ULK4: variants seen among roughly 807,000 people sequenced by gnomAD.
ULK4 encodes the protein inactive serine/threonine-protein kinase ULK4.
A neutral mutation model predicts 160.6 loss-of-function variants in ULK4; 133 were observed. That is an observed-to-expected ratio of 0.83 (90% CI 0.72 to 0.96). The LOEUF (loss-of-function observed/expected upper bound fraction) is 0.96, where lower values mean the gene tolerates loss of function less well. Among genes scored for constraint, ULK4 ranks in the 40% least tolerant of loss-of-function variants. The pLI, the probability that ULK4 is intolerant of heterozygous loss-of-function variation, is 0.00. For synonymous variants in ULK4, 534 were observed against 539.8 expected (o/e 0.99, Z 0.15); for missense variants, 1,580 against 1,499.5 (o/e 1.05, Z -0.89).
At chr3:41,719,021 T>C (rs2037366575) in intron 22 of ULK4, among the ~76,000 whole-genome samples, 1 of 152,326 alleles carries the variant, frequency 6.6e-6, no homozygotes, top group South Asian at 2.1e-4. Context: ...ACCTTCAATC[T>C]GGCTTTCTCT....
At chr3:41,387,302 G>C (rs184823582) in intron 35 of ULK4, among the ~76,000 whole-genome samples, 1 of 152,078 alleles carries the variant, frequency 6.6e-6, no homozygotes, top group Non-Finnish European at 1.5e-5. Context: ...ATTAACTATA[G>C]TCATCCTACA....
At chr3:41,649,133 C>G (rs796487666) in intron 30 of ULK4, among the ~76,000 whole-genome samples, 1 of 132,438 alleles carries the variant, frequency 7.6e-6, no homozygotes, top group East Asian at 2.2e-4. Flanking sequence ...GTATCCAAAA[C>G]AAAAAAAAAA....
At chr3:41,796,583 C>T (rs1470408168) in intron 20 of ULK4, among the ~76,000 whole-genome samples, 5 of 152,156 alleles carry the variant, frequency 3.3e-5, no homozygotes, top group African/African-American at 9.6e-5. Context: ...CAGAGCAACA[C>T]TCTGTCTTGA....
intron 35 of ULK4, among the ~76,000 whole-genome samples, chr3:41,285,636 C>T (rs1454183743): frequency 6.6e-6 from 1 of 152,146 alleles, no homozygotes; most frequent in Non-Finnish European, 1.5e-5. Flanking sequence ...AAACAGGGTG[C>T]AGAGTATACT....
chr3:41,340,281 T>C (rs2080654552), intron 35 of ULK4, among the ~76,000 whole-genome samples: 1 of 152,260 alleles, frequency 6.6e-6, no homozygotes, highest in South Asian at 2.1e-4. Context: ...GTTCAGATAT[T>C]GTTAGAAGGT....
In ULK4 at chr3:41,897,011, G is replaced by T; in HGVS notation, c.1349-8C>A. On this transcript the variant is annotated splice_region_variant and splice_polypyrimidine_tract_variant and intron_variant, in intron 14 of 36. Coordinates refer to ENST00000301831, the MANE Select transcript of ULK4 (RefSeq NM_017886.4). ...GAAATAATAACTTATCCACTGCGATGGAAAGAAAATAATAAAAGTACATAT... is the reference window on the plus strand; with the variant it reads ...GAAATAATAACTTATCCACTGCGATTGAAAGAAAATAATAAAAGTACATAT... 6.3e-7 allele frequency: 1 copy of T among 1,593,332 alleles called. No individual in the cohort carries two copies. Among genetic ancestry groups the T allele is most frequent in the Non-Finnish European group, 8.6e-7 (1 of 1,168,642 alleles).
chr3:41,668,093 T>G (rs1299152735), intron 29 of ULK4, among the ~76,000 whole-genome samples: 11 of 152,134 alleles, frequency 7.2e-5, no homozygotes. Context: ...CCAATTTTGT[T>G]GAGAGGAGGG....
At chr3:41,310,091 C>A (rs537667527) in intron 35 of ULK4, among the ~76,000 whole-genome samples, 18 of 152,228 alleles carry the variant, frequency 1.2e-4, no homozygotes, top group African/African-American at 4.1e-4. Context: ...GGCTCCTCAA[C>A]CTTTTTTCCA....
intron 34 of ULK4, 63 bp from the exon 35 acceptor site, chr3:41,398,327 AC>A: frequency 6.4e-7 from 1 of 1,559,576 alleles, no homozygotes; most frequent in Non-Finnish European, 8.7e-7. Flanking sequence ...CTCAAAAAAA[AC>A]ACAGTAAAAT....
intron 35 of ULK4, among the ~76,000 whole-genome samples, chr3:41,385,939 CT>C (rs545364913): frequency 1.3e-5 from 2 of 152,288 alleles, no homozygotes; most frequent in African/African-American, 4.8e-5. Flanking sequence ...ACACATGAAA[CT>C]TTTCAACCTC....
chr3:41,348,036 T>C (rs1575454978), intron 35 of ULK4, among the ~76,000 whole-genome samples: 1 of 151,568 alleles, frequency 6.6e-6, no homozygotes, highest in Admixed American at 6.6e-5. Context: ...GGTGAAACCC[T>C]GTCTCTACTA....
chr3:41,822,682 G>A (rs1269056281), intron 18 of ULK4, among the ~76,000 whole-genome samples: 3 of 149,128 alleles, frequency 2.0e-5, no homozygotes, highest in African/African-American at 7.4e-5. Context: ...GCCTCCCAAA[G>A]TGCTGGGATT....
intron 35 of ULK4, among the ~76,000 whole-genome samples, chr3:41,327,619 C>T (rs972840885): frequency 5.3e-5 from 8 of 152,142 alleles, no homozygotes; most frequent in African/African-American, 1.7e-4. Context: ...AATAAGACAG[C>T]CAGATGTGTA....
At chr3:41,564,961 A>T (rs139073448) in intron 32 of ULK4, among the ~76,000 whole-genome samples, 1 of 152,050 alleles carries the variant, frequency 6.6e-6, no homozygotes, top group African/African-American at 2.4e-5. Context: ...CTTTTATATC[A>T]TATGTTTGCC....
chr3:41,300,582 T>TGA (rs938213064), intron 35 of ULK4, among the ~76,000 whole-genome samples: 15 of 151,912 alleles, frequency 9.9e-5, no homozygotes, highest in Middle Eastern at 6.3e-3. Context: ...CACACCTGTG[T>TGA]GAACCTTTAT....
chr3:41,302,580 A>T (rs1403534209), intron 35 of ULK4, among the ~76,000 whole-genome samples: 2 of 152,258 alleles, frequency 1.3e-5, no homozygotes, highest in Non-Finnish European at 2.9e-5. Flanking sequence ...TGAGCCATTT[A>T]TTTAACTATC....
intron 30 of ULK4, among the ~76,000 whole-genome samples, chr3:41,652,111 A>C (rs1312255571): frequency 3.3e-5 from 5 of 152,238 alleles, no homozygotes; most frequent in African/African-American, 1.2e-4. Flanking sequence ...GAGCCTCATA[A>C]GATATGGATA....
chr3:41,706,838 A>T (rs1190149988), intron 25 of ULK4, among the ~76,000 whole-genome samples: 1,903 of 125,216 alleles, frequency 0.015, 72 homozygotes, highest in African/African-American at 0.083. Flanking sequence ...AAAAAAAAAA[A>T]AAAAAAAAAT....
At position 41,390,007 on chromosome 3, in the gene ULK4, TC is replaced by T. The variant is rs201294131; in HGVS notation, c.3678+8071del. On this transcript the variant is annotated intron_variant, in intron 35 of 36. Coordinates refer to ENST00000301831, the MANE Select transcript of ULK4 (RefSeq NM_017886.4). Reference sequence around the variant, plus strand: ...GCTGGGAATCCATCTGGTCCTGAACTCTTTTTGGTTGGTAAGCTATTAATTA... The same window carrying T: ...GCTGGGAATCCATCTGGTCCTGAACTTTTTTGGTTGGTAAGCTATTAATTA... Among the ~76,000 whole-genome samples the T allele has an allele frequency of 6.6e-3, 1,009 of 152,292 alleles. 4 individuals carry two copies. Among genetic ancestry groups the T allele is most frequent in the African/African-American group, 0.015 (620 of 41,554 alleles).
Sources: gnomAD v4.1 joint callset for allele counts (sites outside exome capture counted in the v4.1 genomes callset) on GRCh38, gnomAD v4.1.1 for gene constraint, MANE v1.5 for transcripts, NCBI Gene and HGNC (gene_info 2026-07-23, HGNC 2026-07-21) for gene names.